The following MBTPS2 variants were observed in gnomAD, a reference collection of about 807,000 sequenced individuals.
MBTPS2 encodes membrane-bound transcription factor site-2 protease.
MBTPS2 carries 2 observed loss-of-function variants against 35.4 expected under a neutral mutation model. The ratio of observed to expected loss-of-function variants is 0.06; its 90% confidence interval spans 0.02 to 0.18. The LOEUF is 0.18. Ranked by LOEUF, MBTPS2 falls within the 10% of genes least tolerant of loss-of-function variation. The pLI, the probability that MBTPS2 is intolerant of heterozygous loss-of-function variation, is 1.00. For synonymous variants in MBTPS2, 125 were observed against 140.4 expected (o/e 0.89, Z 0.77); for missense variants, 244 against 386.5 (o/e 0.63, Z 3.09).
chrX:21,856,219 G>C (rs1323076263), intron 5 of MBTPS2: 11 of 356,318 alleles, frequency 3.1e-5, no homozygotes, highest in Non-Finnish European at 4.9e-5. Flanking sequence ...AGTTGCCTAG[G>C]CGCATGCGTC....
intron 5 of MBTPS2, among the ~76,000 whole-genome samples, chrX:21,860,928 G>T (rs2092930651): frequency 8.9e-6 from 1 of 111,895 alleles, no homozygotes; most frequent in Non-Finnish European, 1.9e-5. Flanking sequence ...CTTAGTACAA[G>T]GAACTATTTG....
chrX:21,859,990 G>A (rs1438530046), intron 5 of MBTPS2, among the ~76,000 whole-genome samples: 1 of 109,914 alleles, frequency 9.1e-6, no homozygotes, highest in African/African-American at 3.3e-5. Flanking sequence ...TACTCAGGAG[G>A]CTGAGATGGG....
chrX:21,857,233 C>T lies in MBTPS2; in HGVS notation c.670+3730C>T, dbSNP rs746989221. 14 of 1,211,945 alleles carry T rather than the reference C, an allele frequency of 1.2e-5. No individual in the cohort carries two copies. In the South Asian group the frequency reaches 2.5e-4, roughly 21 times the overall value. On this transcript the variant is annotated intron_variant, in intron 5 of 10. Coordinates refer to ENST00000379484, the MANE Select transcript of MBTPS2 (RefSeq NM_015884.4). ...AAGCCCAAAAGGTCCAAAGGAGAAC[C>T]TCCCAAAACAGTCCCTTGCTCTTAT...
chrX:21,866,654 C>T (rs111480585), intron 5 of MBTPS2, among the ~76,000 whole-genome samples: 1,896 of 111,391 alleles, frequency 0.017, 27 homozygotes, highest in Non-Finnish European at 0.026. Context: ...TTTCAGTAAA[C>T]AGATGTCGTG....
At chrX:21,847,526 A>G (rs1420601748) in intron 3 of MBTPS2, among the ~76,000 whole-genome samples, 39 of 112,164 alleles carry the variant, frequency 3.5e-4, no homozygotes, top group Non-Finnish European at 5.6e-5. Flanking sequence ...GAATCATGGC[A>G]GAGACAGATG....
At chrX:21,852,504 GTTTT>G (rs1172444976) in intron 4 of MBTPS2, among the ~76,000 whole-genome samples, 1 of 105,711 alleles carries the variant, frequency 9.5e-6, no homozygotes, top group Non-Finnish European at 2.0e-5. Flanking sequence ...TGGCTGCTGG[GTTTT>G]TTTTTTCTTT....
At chrX:21,881,959 T>C (rs956656606) in intron 10 of MBTPS2, among the ~76,000 whole-genome samples, 1 of 111,877 alleles carries the variant, frequency 8.9e-6, no homozygotes, top group Non-Finnish European at 1.9e-5. Flanking sequence ...AAAAAGATTG[T>C]ACTTTATAGA....
intron 6 of MBTPS2, among the ~76,000 whole-genome samples, chrX:21,869,128 G>A (rs2092944063): frequency 8.9e-6 from 1 of 112,212 alleles, no homozygotes; most frequent in Non-Finnish European, 1.9e-5. Flanking sequence ...GCATATTGGG[G>A]ATATGAAAGG....
chrX:21,858,318 C>T (rs1371646662), intron 5 of MBTPS2: 1 of 123,066 alleles, frequency 8.1e-6, no homozygotes, highest in Non-Finnish European at 1.9e-5. Flanking sequence ...AGTGTAATTT[C>T]TTTGCCTGTT....
intron 10 of MBTPS2, among the ~76,000 whole-genome samples, chrX:21,881,886 A>G (rs750458431): frequency 2.4e-4 from 27 of 111,606 alleles, no homozygotes; most frequent in Non-Finnish European, 3.6e-4. Context: ...CAGTGAGCCA[A>G]GATCGCTCCA....
At chrX:21,875,416 T>A (rs750578632) in intron 7 of MBTPS2, among the ~76,000 whole-genome samples, 13 of 111,925 alleles carry the variant, frequency 1.2e-4, no homozygotes, top group African/African-American at 3.2e-4. Context: ...TTCCCACCAC[T>A]TTGTTTTTTC....
intron 7 of MBTPS2, among the ~76,000 whole-genome samples, chrX:21,877,378 G>A (rs2092954319): frequency 8.9e-6 from 1 of 112,025 alleles, no homozygotes; most frequent in Non-Finnish European, 1.9e-5. Context: ...GGAGGTGGAG[G>A]TTACAGTGAG....
In MBTPS2 at chrX:21,883,799, G is replaced by C; in HGVS notation, c.*1144G>C. 2 of 754,139 alleles carry C rather than the reference G, an allele frequency of 2.7e-6. No individual in the cohort carries two copies. The highest frequency in any genetic ancestry group is 3.1e-6 in the Non-Finnish European group (2 of 639,389). The allele number at this position is 754,139 out of a possible 1,213,427, so 62.1% of individuals were successfully genotyped here. On this transcript the variant is annotated 3_prime_UTR_variant, in exon 11 of 11. Transcript: ENST00000379484. ...TGAGTACAAACGTGGATTTTCCAGGGCTTGGGAACTGATTCTTGAGCCCAG... is the reference window on the plus strand; with the variant it reads ...TGAGTACAAACGTGGATTTTCCAGGCCTTGGGAACTGATTCTTGAGCCCAG...
chrX:21,853,532 C>T (rs373116930), intron 5 of MBTPS2, 29 bp downstream of exon 5: 7 of 1,193,498 alleles, frequency 5.9e-6, no homozygotes, highest in Non-Finnish European at 7.9e-6. Context: ...TTTTAATATT[C>T]ATCTGTGGTT....
intron 5 of MBTPS2, among the ~76,000 whole-genome samples, chrX:21,863,797 A>C (rs925901129): frequency 1.8e-5 from 2 of 111,631 alleles, no homozygotes; most frequent in Non-Finnish European, 3.8e-5. Context: ...TCTCATTCCC[A>C]GTTGTGAGTT....
chrX:21,881,344 G>A (rs763025750), intron 10 of MBTPS2, among the ~76,000 whole-genome samples: 16 of 111,505 alleles, frequency 1.4e-4, no homozygotes, highest in African/African-American at 3.3e-4. Context: ...GAATGTAATC[G>A]CATAACCAGG....
chrX:21,883,144 G>T lies in MBTPS2; in HGVS notation c.*489G>T. 1.3e-6 allele frequency: 1 copy of T among 762,855 alleles called. No individual in the cohort carries two copies. The highest frequency in any genetic ancestry group is 1.6e-6 in the Non-Finnish European group (1 of 642,748). 62.9% of individuals were successfully genotyped at this position (762,855 alleles called of 1,213,427 possible). ...TTGAAAAGTATTTTAAAACTTAATG[G>T]TGTATTATTTTGTGCTCTGAAAGCT... On this transcript the variant is annotated 3_prime_UTR_variant, in exon 11 of 11. Coordinates refer to ENST00000379484, the MANE Select transcript of MBTPS2 (RefSeq NM_015884.4).
intron 5 of MBTPS2, among the ~76,000 whole-genome samples, chrX:21,862,841 CATAT>C (rs370149032): frequency 1.2e-5 from 1 of 85,443 alleles, no homozygotes; most frequent in Non-Finnish European, 2.3e-5. Flanking sequence ...ATATAAAAAA[CATAT>C]ATATATATAC....
At chrX:21,873,832 A>AT (rs66592291) in intron 7 of MBTPS2, among the ~76,000 whole-genome samples, 3 of 109,188 alleles carry the variant, frequency 2.7e-5, no homozygotes, top group African/African-American at 1.0e-4. Flanking sequence ...GAGAACTCAG[A>AT]TTTTTTTTAT....
Sources: allele counts gnomAD v4.1 joint callset (sites outside exome capture counted in the v4.1 genomes callset), GRCh38; gene constraint gnomAD v4.1.1; transcripts MANE v1.5; gene names NCBI Gene and HGNC (gene_info 2026-07-23, HGNC 2026-07-21).